Variants in SIL1 observed in about 807,000 individuals in gnomAD.
SIL1 encodes the protein SIL1 nucleotide exchange factor.
Under a neutral mutation model 49.1 loss-of-function variants are expected in SIL1, and 40 were observed. The ratio of observed to expected loss-of-function variants is 0.81; its 90% CI spans 0.63 to 1.06. The LOEUF is 1.06. Ranked by LOEUF, SIL1 falls within the 50% of genes least tolerant of loss-of-function variation. The probability of loss-of-function intolerance (pLI) is 0.00; values close to 1 mark genes in which losing one functional copy is unlikely to be tolerated. For synonymous variants in SIL1, 253 were observed against 250.8 expected (o/e 1.01, Z -0.08); for missense variants, 500 against 572.6 (o/e 0.87, Z 1.29).
intron 3 of SIL1, among the ~76,000 whole-genome samples, chr5:139,072,230 T>C (rs892021992): frequency 3.3e-5 from 5 of 152,188 alleles, no homozygotes; most frequent in Non-Finnish European, 7.3e-5. Context: ...CTATTATAAA[T>C]TATATACCTA....
intron 5 of SIL1, 109 bp from the exon 6 acceptor site, chr5:139,027,101 C>G: frequency 1.0e-6 from 1 of 966,160 alleles, no homozygotes; most frequent in Non-Finnish European, 1.6e-6. Context: ...CCAAGACTCA[C>G]AGTCTTCTCT....
chr5:139,101,551 T>G (rs1770587807), intron 3 of SIL1, among the ~76,000 whole-genome samples: 1 of 152,200 alleles, frequency 6.6e-6, no homozygotes, highest in Non-Finnish European at 1.5e-5. Flanking sequence ...GAAAAGCACA[T>G]CTACCTTTTC....
chr5:139,069,568 T>G, intron 3 of SIL1, among the ~76,000 whole-genome samples: 1 of 151,948 alleles, frequency 6.6e-6, no homozygotes, highest in Non-Finnish European at 1.5e-5. Context: ...GAAATCTAAT[T>G]TCACATAAAA....
intron 6 of SIL1, among the ~76,000 whole-genome samples, chr5:139,023,806 T>C (rs1429314698): frequency 2.0e-5 from 3 of 152,228 alleles, no homozygotes; most frequent in Non-Finnish European, 4.4e-5. Context: ...TGTGTCTTAC[T>C]TAATCCCCCA....
intron 3 of SIL1, among the ~76,000 whole-genome samples, chr5:139,106,556 T>A (rs1051559662): frequency 6.6e-6 from 1 of 152,102 alleles, no homozygotes; most frequent in Non-Finnish European, 1.5e-5. Context: ...TTAGCATTGA[T>A]TTTTTTTAAC....
intron 7 of SIL1, among the ~76,000 whole-genome samples, chr5:138,990,867 C>T (rs1227656014): frequency 6.6e-6 from 1 of 152,250 alleles, no homozygotes; most frequent in Non-Finnish European, 1.5e-5. Flanking sequence ...AGGCACCCAT[C>T]ATCACATCTG....
intron 3 of SIL1, among the ~76,000 whole-genome samples, chr5:139,055,593 T>C (rs1769387262): frequency 2.1e-5 from 2 of 95,762 alleles, no homozygotes; most frequent in African/African-American, 6.0e-5. Flanking sequence ...TCACTGACTC[T>C]CCCTCTCCCT....
chr5:139,041,841 A>G (rs988340229), intron 5 of SIL1, among the ~76,000 whole-genome samples: 3 of 151,996 alleles, frequency 2.0e-5, no homozygotes, highest in Admixed American at 6.6e-5. Flanking sequence ...AAACAAAAAA[A>G]AGCAAATGGG....
At chr5:139,137,613 T>C (rs1458404714) in intron 1 of SIL1, 3 of 321,486 alleles carry the variant, frequency 9.3e-6, no homozygotes, top group South Asian at 8.5e-5. Flanking sequence ...ATGTGCAATG[T>C]TGGTGTGCTG....
At chr5:139,132,892 G>C (rs1250447701) in intron 1 of SIL1, among the ~76,000 whole-genome samples, 1 of 152,172 alleles carries the variant, frequency 6.6e-6, no homozygotes, top group African/African-American at 2.4e-5. Flanking sequence ...AGGGACAGAG[G>C]CAGCAGCAGT....
At chr5:139,034,519 G>A (rs374016736) in intron 5 of SIL1, 2 of 151,836 alleles carry the variant, frequency 1.3e-5, no homozygotes, top group East Asian at 3.9e-4. Context: ...AATAATGATT[G>A]TTCTAAGTAT....
chr5:139,170,078 G>A (rs1490136023), intron 1 of SIL1, among the ~76,000 whole-genome samples: 3 of 152,192 alleles, frequency 2.0e-5, no homozygotes, highest in South Asian at 2.1e-4. Flanking sequence ...TGTGTTGGCC[G>A]GGCTGGTCTC....
At chr5:139,194,842 G>C (rs1439668596) in intron 1 of SIL1, among the ~76,000 whole-genome samples, 1 of 152,100 alleles carries the variant, frequency 6.6e-6, no homozygotes, top group Non-Finnish European at 1.5e-5. Context: ...AAGACAGGGG[G>C]AGGCTGAGCA....
At chr5:139,179,583 C>T (rs1424105183) in intron 1 of SIL1, among the ~76,000 whole-genome samples, 5 of 152,086 alleles carry the variant, frequency 3.3e-5, no homozygotes, top group African/African-American at 1.2e-4. Flanking sequence ...TAGGGGGTGG[C>T]AGGAAGGGAG....
intron 4 of SIL1, among the ~76,000 whole-genome samples, chr5:139,046,329 G>A (rs1769164213): frequency 7.7e-6 from 1 of 130,050 alleles, no homozygotes; most frequent in Non-Finnish European, 1.7e-5. Flanking sequence ...ACCGTCTTAT[G>A]GGGAAAAAAA....
chr5:139,070,745 A>G (rs1429692537), intron 3 of SIL1, among the ~76,000 whole-genome samples: 2 of 151,976 alleles, frequency 1.3e-5, no homozygotes, highest in Non-Finnish European at 1.5e-5. Flanking sequence ...TTGTAAAGGG[A>G]AAAAAAACAT....
chr5:139,052,756 T>C (rs569352376), intron 3 of SIL1, among the ~76,000 whole-genome samples: 11 of 151,298 alleles, frequency 7.3e-5, no homozygotes, highest in East Asian at 1.9e-4. Flanking sequence ...TGGGGTCAAA[T>C]GAAGAAAAAA....
chr5:139,178,346 G>T (rs574997637), intron 1 of SIL1, among the ~76,000 whole-genome samples: 13 of 152,256 alleles, frequency 8.5e-5, no homozygotes, highest in African/African-American at 3.1e-4. Flanking sequence ...GTCCAAAAGG[G>T]TGCTGCTCAT....
intron 1 of SIL1, among the ~76,000 whole-genome samples, chr5:139,177,058 G>C (rs559642239): frequency 2.0e-5 from 3 of 146,458 alleles, no homozygotes; most frequent in Non-Finnish European, 4.5e-5. Context: ...TCAGCCTCCC[G>C]AGTAGCTGGA....
Sources: allele counts gnomAD v4.1 joint callset (sites outside exome capture counted in the v4.1 genomes callset), GRCh38; gene constraint gnomAD v4.1.1; transcripts MANE v1.5; gene names NCBI Gene and HGNC (gene_info 2026-07-23, HGNC 2026-07-21).